SLIT1: variants seen among roughly 807,000 people sequenced by gnomAD.
SLIT1 encodes slit guidance ligand 1, also known as slit homolog 1 protein.
In SLIT1, 66 loss-of-function variants were observed where a neutral mutation model predicts 186.1. That is an observed-to-expected ratio of 0.35 (90% CI 0.29 to 0.44). SLIT1 has a LOEUF of 0.44. Among genes scored for constraint, SLIT1 ranks in the 20% least tolerant of loss-of-function variants. SLIT1 has a pLI of 1.00. For synonymous variants in SLIT1, 761 were observed against 833.8 expected (o/e 0.91, Z 1.50); for missense variants, 1,638 against 2,037.4 (o/e 0.80, Z 3.77).
At chr10:97,082,896 A>C (rs1432195557) in intron 4 of SLIT1, among the ~76,000 whole-genome samples, 1 of 151,978 alleles carries the variant, frequency 6.6e-6, no homozygotes, top group Admixed American at 6.6e-5. Context: ...GCTCTAAAAA[A>C]AGAAAGTCTA....
At chr10:97,095,909 G>A (rs1849283844) in intron 4 of SLIT1, among the ~76,000 whole-genome samples, 1 of 152,134 alleles carries the variant, frequency 6.6e-6, no homozygotes, top group Non-Finnish European at 1.5e-5. Flanking sequence ...TGTTCAGATG[G>A]GCAGGTCTGG....
intron 27 of SLIT1, 87 bp from the exon 28 acceptor site, chr10:97,018,770 C>T (rs1848476916): frequency 2.5e-6 from 2 of 800,930 alleles, no homozygotes; most frequent in Non-Finnish European, 2.1e-6. Context: ...GCAGCTCAGC[C>T]TCTCCCTGTC....
intron 4 of SLIT1, among the ~76,000 whole-genome samples, chr10:97,108,225 G>T (rs1056557800): frequency 2.6e-5 from 4 of 152,302 alleles, no homozygotes; most frequent in South Asian, 2.1e-4. Context: ...AGCAGGGGAG[G>T]TGGGTAGGAG....
intron 4 of SLIT1, among the ~76,000 whole-genome samples, chr10:97,144,747 T>G (rs888286867): frequency 6.6e-6 from 1 of 152,132 alleles, no homozygotes; most frequent in Non-Finnish European, 1.5e-5. Flanking sequence ...TGTGAGAACT[T>G]CTAGGACAGC....
intron 4 of SLIT1, 155 bp downstream of exon 4, chr10:97,157,663 C>A: frequency 1.5e-6 from 1 of 671,382 alleles, no homozygotes; most frequent in African/African-American, 1.8e-5. Context: ...ACAGAAAGGG[C>A]CTGGCCTTTG....
chr10:97,002,895 G>A lies in SLIT1; in HGVS notation c.3963C>T (p.Asn1321=), dbSNP rs769190502. 46 of 1,614,102 alleles carry A rather than the reference G, an allele frequency of 2.8e-5. No individual in the cohort carries two copies. The East Asian group carries it at 7.4e-4, about 26-fold the overall frequency. Residue 1321 remains asparagine (N), a synonymous_variant, in exon 35 of 37, where the codon AAC becomes AAT. Coordinates refer to ENST00000266058, the MANE Select transcript of SLIT1 (RefSeq NM_003061.3). The part of the protein sequence containing the change: ...HGCIRNLYIN[N]ELQDFTKTQM... ...GCGTCTTGGTGAAGTCCTGCAGCTCGTTGTTGATGTACAGGTTTCGGATGC... is the reference window on the plus strand; with the variant it reads ...GCGTCTTGGTGAAGTCCTGCAGCTCATTGTTGATGTACAGGTTTCGGATGC...
intron 1 of SLIT1, among the ~76,000 whole-genome samples, chr10:97,173,195 G>A (rs1436493566): frequency 6.6e-6 from 1 of 152,194 alleles, no homozygotes; most frequent in Non-Finnish European, 1.5e-5. Context: ...GGAAAGGATG[G>A]GTTGTCTTCC....
chr10:97,063,856 C>T (rs1386228103), intron 7 of SLIT1, among the ~76,000 whole-genome samples: 1 of 152,208 alleles, frequency 6.6e-6, no homozygotes, highest in Non-Finnish European at 1.5e-5. Flanking sequence ...GGAATGTACC[C>T]AGCAAAGCCC....
chr10:97,124,848 C>T lies in SLIT1; in HGVS notation c.413+32970G>A, dbSNP rs141703308. Reference sequence around the variant, plus strand: ...CTTACCCGCTGTGCGACCCAACGTACGTTGCTTAACCTTTCTGAGCTTCAG... The same window carrying T: ...CTTACCCGCTGTGCGACCCAACGTATGTTGCTTAACCTTTCTGAGCTTCAG... On this transcript the variant is annotated intron_variant, in intron 4 of 36. Transcript: ENST00000266058. Among the ~76,000 whole-genome samples the T allele has an allele frequency of 9.0e-4, 137 of 152,278 alleles. 1 individual carries two copies. Among genetic ancestry groups the T allele is most frequent in the African/African-American group, 3.1e-3 (130 of 41,552 alleles).
At chr10:97,057,805 T>A (rs562423555) in intron 11 of SLIT1, 24 of 548,254 alleles carry the variant, frequency 4.4e-5, no homozygotes, top group Non-Finnish European at 7.3e-5. Context: ...ATGAATTCCA[T>A]GTATAGGTTT....
chr10:97,127,220 A>G (rs1164262628), intron 4 of SLIT1, among the ~76,000 whole-genome samples: 1 of 151,332 alleles, frequency 6.6e-6, no homozygotes, highest in Non-Finnish European at 1.5e-5. Flanking sequence ...TGGGAGGCAG[A>G]GTTTGCAGTG....
chr10:97,084,280 C>T (rs1849134917), intron 4 of SLIT1, among the ~76,000 whole-genome samples: 1 of 152,216 alleles, frequency 6.6e-6, no homozygotes, highest in Admixed American at 6.5e-5. Flanking sequence ...TGCTCTCCCC[C>T]AGGGAAGGGT....
intron 4 of SLIT1, among the ~76,000 whole-genome samples, chr10:97,152,274 C>T (rs1331566560): frequency 6.6e-6 from 1 of 152,144 alleles, no homozygotes; most frequent in African/African-American, 2.4e-5. Context: ...AAAACAAAAC[C>T]CTGTTGGGGG....
At chr10:97,097,975 A>G (rs1201483581) in intron 4 of SLIT1, among the ~76,000 whole-genome samples, 2 of 152,202 alleles carry the variant, frequency 1.3e-5, no homozygotes, top group African/African-American at 2.4e-5. Context: ...TGTTAATGTT[A>G]TCATGTTGAT....
chr10:97,140,157 CT>C (rs1178144201), intron 4 of SLIT1, among the ~76,000 whole-genome samples: 1 of 152,090 alleles, frequency 6.6e-6, no homozygotes, highest in Non-Finnish European at 1.5e-5. Context: ...AGAGTGGCCC[CT>C]GTCTCCCTGC....
intron 4 of SLIT1, among the ~76,000 whole-genome samples, chr10:97,128,190 C>T (rs1295997084): frequency 2.6e-5 from 4 of 152,182 alleles, no homozygotes; most frequent in Admixed American, 2.6e-4. Context: ...CACGCTGCTT[C>T]CTCTCACCAG....
chr10:97,013,374 G>T (rs2134593822), intron 30 of SLIT1, among the ~76,000 whole-genome samples: 1 of 152,240 alleles, frequency 6.6e-6, no homozygotes, highest in East Asian at 1.9e-4. Context: ...TGGAATAATA[G>T]CCTGGAGCAC....
At chr10:97,057,932 C>T (rs934959019) in intron 11 of SLIT1, 9 of 714,086 alleles carry the variant, frequency 1.3e-5, no homozygotes, top group African/African-American at 3.5e-5. Context: ...ATATCATAAT[C>T]GGACCCCACA....
Position 97,001,028 on chromosome 10 carries a change from C to T in SLIT1, c.*84G>A. ...GAGCCGTCCTGTGATGACCTGCACC[C>T]CAGCCCAGCTGCTGGCGACTGTCTC... On this transcript the variant is annotated 3_prime_UTR_variant, in exon 37 of 37. Coordinates refer to ENST00000266058, the MANE Select transcript of SLIT1 (RefSeq NM_003061.3). 1 of 1,152,904 alleles carries T rather than the reference C, an allele frequency of 8.7e-7. No individual in the cohort carries two copies. Among genetic ancestry groups the T allele is most frequent in the Non-Finnish European group, 1.3e-6 (1 of 788,438 alleles). 71.4% of individuals were successfully genotyped at this position (1,152,904 alleles called of 1,614,324 possible).
Sources: gnomAD v4.1 joint callset for allele counts (sites outside exome capture counted in the v4.1 genomes callset) on GRCh38, gnomAD v4.1.1 for gene constraint, MANE v1.5 for transcripts, NCBI Gene and HGNC (gene_info 2026-07-23, HGNC 2026-07-21) for gene names.